Variants in ERCC4 observed in about 807,000 individuals in gnomAD.
The protein encoded by ERCC4 is ERCC excision repair 4, endonuclease catalytic subunit.
A neutral mutation model predicts 76.9 loss-of-function variants in ERCC4; 65 were observed. That is an observed-to-expected ratio of 0.84 (90% confidence interval 0.69 to 1.04). The LOEUF (loss-of-function observed/expected upper bound fraction) is 1.04, where lower values mean the gene tolerates loss of function less well. ERCC4 is among the 50% of genes least tolerant of loss of function. The pLI, the probability that ERCC4 is intolerant of heterozygous loss-of-function variation, is 0.00. For synonymous variants in ERCC4, 463 were observed against 410.1 expected (o/e 1.13, Z -1.56); for missense variants, 1,214 against 1,128.2 (o/e 1.08, Z -1.09).
In ERCC4 at chr16:13,950,655, T is replaced by G. The variant is rs1289463367; in HGVS notation, c.*2308T>G. On this transcript the variant is annotated 3_prime_UTR_variant, in exon 11 of 11. Transcript: ENST00000311895. ...ACCTACCACTTCAAATGATAATGATTATTATAATGTCTCTTCACCCTATTC... is the reference window on the plus strand; with the variant it reads ...ACCTACCACTTCAAATGATAATGATGATTATAATGTCTCTTCACCCTATTC... The G allele has an allele frequency of 5.2e-6, 1 of 192,788 alleles. No individual in the cohort carries two copies. The highest frequency in any genetic ancestry group is 1.1e-5 in the Non-Finnish European group (1 of 92,444). 11.9% of individuals were successfully genotyped at this position (192,788 alleles called of 1,614,324 possible). A position where few individuals can be genotyped will look rare whatever the true frequency, so the allele number is the denominator to read the frequency against.
At chr16:13,921,257 A>T (rs938746270) in intron 1 of ERCC4, among the ~76,000 whole-genome samples, 37 of 152,150 alleles carry the variant, frequency 2.4e-4, no homozygotes, top group African/African-American at 8.2e-4. Context: ...AAGGGATTGG[A>T]GCTTGACGCT....
Position 13,928,038 on chromosome 16 carries a change from G to C in ERCC4, c.595G>C (p.Ala199Pro). The C allele has an allele frequency of 6.2e-7, 1 of 1,611,890 alleles. No individual in the cohort carries two copies. The change falls in exon 4 of 11, where the codon GCA (alanine) becomes CCA (proline). Residue 199 changes from alanine to proline, a missense_variant. Transcript: ENST00000311895. ...TATTTGTCTCTTTAGGTTCCATGTA[G>C]CAGTAAACTCATTTTTAGAACAGCA... ...KLYLWPRFHV[A>P]VNSFLEQHKP...
rs1413684734 is a variant in ERCC4, at chr16:13,951,519, A to G, written c.*3172A>G. ...AATATTATCCTTTTGGCAGTAAGCT[A>G]TTACTAATTCAGCCTGAAGCTCGGT... On this transcript the variant is annotated 3_prime_UTR_variant, in exon 11 of 11. Transcript: ENST00000311895. 1.4e-5 allele frequency: 3 copies of G among 211,914 alleles called. No individual in the cohort carries two copies. Among genetic ancestry groups the G allele is most frequent in the African/African-American group, 6.8e-5 (3 of 44,158 alleles). The allele number at this position is 211,914 out of a possible 1,614,324, so 13.1% of individuals were successfully genotyped here.
intron 9 of ERCC4, among the ~76,000 whole-genome samples, chr16:13,940,725 G>A (rs1485459733): frequency 2.0e-5 from 3 of 152,210 alleles, no homozygotes; most frequent in Non-Finnish European, 4.4e-5. Context: ...GATCCAGCTG[G>A]CACATTGTGA....
At chr16:13,932,874 G>A (rs909113464) in intron 6 of ERCC4, 12 of 203,614 alleles carry the variant, frequency 5.9e-5, no homozygotes, top group East Asian at 1.6e-4. Flanking sequence ...GTGAAACCCC[G>A]TCTCTATTAA....
intron 4 of ERCC4, among the ~76,000 whole-genome samples, chr16:13,929,745 C>G (rs1278810898): frequency 2.0e-5 from 3 of 152,158 alleles, no homozygotes; most frequent in Non-Finnish European, 2.9e-5. Flanking sequence ...GCGGGCAGAT[C>G]ATGAGGTCAG....
At chr16:13,932,370 T>C in intron 6 of ERCC4, 85 bp downstream of exon 6, 1 of 1,268,330 alleles carries the variant, frequency 7.9e-7, no homozygotes. Flanking sequence ...AAGTCTTCTT[T>C]GGCCATGTGA....
chr16:13,945,972 C>T (rs1260641030), intron 10 of ERCC4, among the ~76,000 whole-genome samples: 1 of 152,176 alleles, frequency 6.6e-6, no homozygotes, highest in African/African-American at 2.4e-5. Flanking sequence ...GTTCAAAGTC[C>T]AAATGGGTTT....
chr16:13,929,634 T>C (rs191372204), intron 4 of ERCC4, among the ~76,000 whole-genome samples: 39 of 152,336 alleles, frequency 2.6e-4, no homozygotes, highest in African/African-American at 9.4e-4. Flanking sequence ...AGTGTATACA[T>C]AAAGCTGTTC....
intron 10 of ERCC4, among the ~76,000 whole-genome samples, chr16:13,945,377 G>A (rs2032494495): frequency 1.3e-5 from 2 of 152,160 alleles, no homozygotes; most frequent in African/African-American, 4.8e-5. Flanking sequence ...ACTGTGGCAT[G>A]CCACCAAGAC....
intron 9 of ERCC4, among the ~76,000 whole-genome samples, chr16:13,943,301 G>T (rs1270594000): frequency 6.6e-6 from 1 of 152,162 alleles, no homozygotes; most frequent in Non-Finnish European, 1.5e-5. Context: ...AATTTATAAA[G>T]AAAAGAGGTT....
Position 13,922,216 on chromosome 16 carries a change from G to T in ERCC4, c.388+5G>T. On this transcript the variant is annotated splice_donor_5th_base_variant and intron_variant, in intron 2 of 10. Coordinates refer to ENST00000311895, the MANE Select transcript of ERCC4 (RefSeq NM_005236.3). ...TACCTTCAGATTTAATTACTGGTAAGAATTTGAAATCTTATTATTAGTATG... is the reference window on the plus strand; with the variant it reads ...TACCTTCAGATTTAATTACTGGTAATAATTTGAAATCTTATTATTAGTATG... 2.5e-6 allele frequency: 4 copies of T among 1,572,692 alleles called. No individual in the cohort carries two copies. The highest frequency in any genetic ancestry group is 3.5e-6 in the Non-Finnish European group (4 of 1,144,860).
Position 13,935,453 on chromosome 16 carries a change from A to C in ERCC4, c.1521A>C (p.Glu507Asp), listed in dbSNP as rs746890369. ...GAAAACCTGAAGAACTGGAAGAGGA[A>C]GGAGATGTCGAGGAAGGATATCGTC... ...MVGKPEELEE[E>D]GDVEEGYRRE... The change falls in exon 8 of 11, where the codon GAA (glutamate) becomes GAC (aspartate). Residue 507 changes from glutamate (E) to aspartate (D), a missense_variant. Physicochemically the swap from Glu to Asp is conservative, Grantham distance 45. Transcript: ENST00000311895. 1 of 1,614,200 alleles carries C rather than the reference A, an allele frequency of 6.2e-7. No homozygotes were observed. The highest frequency in any genetic ancestry group is 1.1e-5 in the South Asian group (1 of 91,070).
intron 6 of ERCC4, chr16:13,933,328 T>C (rs1341813713): frequency 1.9e-5 from 3 of 157,746 alleles, no homozygotes; most frequent in Admixed American, 6.5e-5. Context: ...CAGCATCTTA[T>C]CTAGTGATAC....
chr16:13,922,325 C>G, intron 2 of ERCC4, 114 bp downstream of exon 2: 1 of 818,058 alleles, frequency 1.2e-6, no homozygotes, highest in Non-Finnish European at 2.1e-6. Context: ...TTGAAGGACT[C>G]AGCTCCCTAC....
chr16:13,939,398 A>T (rs777378895), intron 9 of ERCC4, among the ~76,000 whole-genome samples: 32 of 152,200 alleles, frequency 2.1e-4, no homozygotes, highest in Non-Finnish European at 1.3e-4. Context: ...TGTAATAAGT[A>T]GAGGTATACA....
At chr16:13,933,132 C>G (rs1228988042) in intron 6 of ERCC4, 1 of 336,620 alleles carries the variant, frequency 3.0e-6, no homozygotes, top group African/African-American at 2.3e-5. Flanking sequence ...ACTTGAGAGG[C>G]TAAGGTGAGC....
intron 2 of ERCC4, among the ~76,000 whole-genome samples, chr16:13,924,873 A>G (rs750870558): frequency 1.5e-4 from 23 of 152,216 alleles, no homozygotes; most frequent in Non-Finnish European, 1.3e-4. Context: ...GTTATAGTAC[A>G]GTATGGGTAC....
Position 13,949,970 on chromosome 16 carries a change from ATT to A in ERCC4, c.*1631_*1632del. The A allele has an allele frequency of 4.5e-6, 1 of 224,376 alleles. No individual in the cohort carries two copies. The highest frequency in any genetic ancestry group is 8.9e-6 in the Non-Finnish European group (1 of 112,914). 13.9% of individuals were successfully genotyped at this position (224,376 alleles called of 1,614,324 possible). A position where few individuals can be genotyped will look rare whatever the true frequency, so the allele number is the denominator to read the frequency against. Reference sequence around the variant, plus strand: ...CAACTTTAACAAAATTGTCATTGTTATTTTTTTTTGAGACAGAGTCTCCCTCT... The same window carrying A: ...CAACTTTAACAAAATTGTCATTGTTATTTTTTTGAGACAGAGTCTCCCTCT... On this transcript the variant is annotated 3_prime_UTR_variant, in exon 11 of 11. Coordinates refer to ENST00000311895, the MANE Select transcript of ERCC4 (RefSeq NM_005236.3).
Sources: gnomAD v4.1 joint callset for allele counts (sites outside exome capture counted in the v4.1 genomes callset) on GRCh38, gnomAD v4.1.1 for gene constraint, MANE v1.5 for transcripts, NCBI Gene and HGNC (gene_info 2026-07-23, HGNC 2026-07-21) for gene names.